The following MAP3K8 variants were observed in gnomAD, a reference collection of about 807,000 sequenced individuals.
MAP3K8 encodes the protein Ewing sarcoma transformant.
MAP3K8 carries 22 observed loss-of-function variants against 45.8 expected under a neutral mutation model. That is an observed-to-expected ratio of 0.48 (90% CI 0.34 to 0.69). The LOEUF (loss-of-function observed/expected upper bound fraction) is 0.69, where lower values mean the gene tolerates loss of function less well. Among genes scored for constraint, MAP3K8 ranks in the 30% least tolerant of loss-of-function variants. MAP3K8 has a pLI of 0.01. For missense variants in MAP3K8, 419 were observed against 585.0 expected (o/e 0.72, Z 2.93); for synonymous variants, 223 against 214.3 (o/e 1.04, Z -0.36).
intron 3 of MAP3K8, 26 bp from the exon 4 acceptor site, chr10:30,447,756 C>T (rs374435272): frequency 1.6e-5 from 25 of 1,603,136 alleles, no homozygotes; most frequent in African/African-American, 1.1e-4. Flanking sequence ...AAGTTCTCAC[C>T]GTCTCACATT....
At chr10:30,445,623 A>C (rs1836296668) in intron 3 of MAP3K8, among the ~76,000 whole-genome samples, 1 of 152,090 alleles carries the variant, frequency 6.6e-6, no homozygotes, top group South Asian at 2.1e-4. Context: ...AAAGGGACTA[A>C]ATCTATCATG....
At chr10:30,459,897 C>T (rs1185149725) in intron 8 of MAP3K8, among the ~76,000 whole-genome samples, 1 of 151,774 alleles carries the variant, frequency 6.6e-6, no homozygotes, top group Non-Finnish European at 1.5e-5. Context: ...GGCTGGAGTG[C>T]AGTGGCATGA....
At chr10:30,438,290 C>T (rs1455865142) in intron 2 of MAP3K8, among the ~76,000 whole-genome samples, 1 of 152,204 alleles carries the variant, frequency 6.6e-6, no homozygotes. Context: ...AACAAGGTTT[C>T]CTGTCATCCT....
chr10:30,448,666 C>T (rs1836429466), intron 4 of MAP3K8, among the ~76,000 whole-genome samples: 1 of 152,056 alleles, frequency 6.6e-6, no homozygotes, highest in Non-Finnish European at 1.5e-5. Flanking sequence ...CTCCTGACTA[C>T]AAGTGATCCA....
intron 6 of MAP3K8, among the ~76,000 whole-genome samples, chr10:30,455,018 G>A (rs1482124561): frequency 6.6e-6 from 1 of 152,122 alleles, no homozygotes; most frequent in Non-Finnish European, 1.5e-5. Flanking sequence ...TGCAACATTG[G>A]AGAAAGAAGT....
At chr10:30,450,004 C>T (rs1836481009) in intron 4 of MAP3K8, among the ~76,000 whole-genome samples, 1 of 152,122 alleles carries the variant, frequency 6.6e-6, no homozygotes, top group Non-Finnish European at 1.5e-5. Flanking sequence ...AGATTTCTGA[C>T]TTCTAAATGA....
intron 8 of MAP3K8, among the ~76,000 whole-genome samples, chr10:30,459,822 G>A (rs1024909820): frequency 1.3e-5 from 2 of 152,020 alleles, no homozygotes; most frequent in African/African-American, 4.8e-5. Flanking sequence ...CAGCTTTGCA[G>A]TTGGTTCTTC....
chr10:30,451,498 G>T, intron 5 of MAP3K8, 140 bp from the exon 6 acceptor site: 2 of 477,540 alleles, frequency 4.2e-6, no homozygotes, highest in Admixed American at 3.6e-5. Flanking sequence ...CTCCTCTTTT[G>T]AATATAATAC....
rs142989322 is a variant in MAP3K8 at position 30,437,290 on chromosome 10, T to C, written c.-140T>C. ...AGCCAGGAGTCTGACTCAGTACTTTTCTCACTCATGCATACAAAGCAGCTA... is the reference window on the plus strand; with the variant it reads ...AGCCAGGAGTCTGACTCAGTACTTTCCTCACTCATGCATACAAAGCAGCTA... On this transcript the variant is annotated 5_prime_UTR_variant, in exon 2 of 9. Coordinates refer to ENST00000263056, the MANE Select transcript of MAP3K8 (RefSeq NM_005204.4). The C allele has an allele frequency of 1.0e-6, 1 of 985,400 alleles. No individual in the cohort carries two copies. Among genetic ancestry groups the C allele is most frequent in the African/African-American group, 1.7e-5 (1 of 57,338 alleles). The allele number at this position is 985,400 out of a possible 1,614,324, so 61.0% of individuals were successfully genotyped here. A position where few individuals can be genotyped will look rare whatever the true frequency, so the allele number is the denominator to read the frequency against.
intron 3 of MAP3K8, among the ~76,000 whole-genome samples, chr10:30,441,160 CTT>C (rs11331000): frequency 1.7e-4 from 24 of 144,288 alleles, no homozygotes; most frequent in Admixed American, 2.1e-4. Context: ...AAGGAGAATT[CTT>C]TTTTTTTTTT....
chr10:30,460,714 T>A lies in MAP3K8; in HGVS notation c.1282T>A (p.Cys428Ser). 3 of 1,606,456 alleles carry A rather than the reference T, an allele frequency of 1.9e-6. No homozygotes were observed. Residue 428 changes from cysteine (C) to serine (S), a missense_variant, in exon 9 of 9, where the codon TGC becomes AGC. By Grantham distance (112) the Cys-to-Ser change is moderately radical. Around this residue, in one of 3 missense-constraint regions of MAP3K8, gnomAD observed 108 missense variants for 124.2 expected, o/e 0.87. Coordinates refer to ENST00000263056, the MANE Select transcript of MAP3K8 (RefSeq NM_005204.4). Reference protein sequence around the residue: ...ELPENIADSSCTGSTEESEML... With the variant: ...ELPENIADSSSTGSTEESEML... ...AATGTTTTCCTTTTCAGATTCTTCGTGCACAGGAAGCACCGAGGAATCTGA... is the reference window on the plus strand; with the variant it reads ...AATGTTTTCCTTTTCAGATTCTTCGAGCACAGGAAGCACCGAGGAATCTGA...
At chr10:30,446,534 CA>C (rs5784199) in intron 3 of MAP3K8, among the ~76,000 whole-genome samples, 5,436 of 89,160 alleles carry the variant, frequency 0.061, 106 homozygotes, top group Middle Eastern at 0.22. Context: ...GACTCCATCT[CA>C]AAAAAAAAAA....
intron 6 of MAP3K8, among the ~76,000 whole-genome samples, chr10:30,455,770 T>G (rs1285065088): frequency 6.6e-6 from 1 of 152,218 alleles, no homozygotes; most frequent in Admixed American, 6.5e-5. Context: ...TTTCTCTTGC[T>G]CCAGTGCCCT....
chr10:30,454,714 T>C (rs1836679051), intron 6 of MAP3K8, among the ~76,000 whole-genome samples: 1 of 152,102 alleles, frequency 6.6e-6, no homozygotes, highest in Non-Finnish European at 1.5e-5. Flanking sequence ...TTGACGGTTG[T>C]CTTTGAGCAG....
chr10:30,449,917 G>A (rs1455883372), intron 4 of MAP3K8, among the ~76,000 whole-genome samples: 1 of 152,006 alleles, frequency 6.6e-6, no homozygotes, highest in African/African-American at 2.4e-5. Flanking sequence ...CTAAACTCAA[G>A]GTACCATAGA....
chr10:30,434,827 C>G (rs1835861948), intron 1 of MAP3K8: 1 of 964,696 alleles, frequency 1.0e-6, no homozygotes, highest in African/African-American at 1.8e-5. Flanking sequence ...CTTTTAGGCT[C>G]CCTTGACTTA....
rs985154290 is a variant in MAP3K8, at chr10:30,447,211, T to C, written c.337-571T>C. Among the ~76,000 whole-genome samples the C allele has an allele frequency of 2.6e-5, 4 of 152,202 alleles. No homozygotes were observed. In the East Asian group the frequency reaches 7.7e-4, roughly 29 times the overall value. ...CTATTTTGCAAGCAATAGATAACAA[T>C]GCATGCGATAGATATTAAGTGAGCA... On this transcript the variant is annotated intron_variant, in intron 3 of 8. Transcript: ENST00000263056.
chr10:30,455,871 A>G (rs1030381635), intron 6 of MAP3K8, among the ~76,000 whole-genome samples: 2 of 152,162 alleles, frequency 1.3e-5, no homozygotes, highest in Non-Finnish European at 2.9e-5. Flanking sequence ...CTCGAACATT[A>G]TGCCCTGCTG....
intron 3 of MAP3K8, among the ~76,000 whole-genome samples, chr10:30,441,386 A>G (rs1468392755): frequency 6.6e-6 from 1 of 152,136 alleles, no homozygotes; most frequent in Non-Finnish European, 1.5e-5. Context: ...CGAACTCCTG[A>G]CCTCAGGTGA....
Sources: allele counts gnomAD v4.1 joint callset (sites outside exome capture counted in the v4.1 genomes callset), GRCh38; gene constraint gnomAD v4.1.1; regional missense constraint gnomAD v4.1.1; transcripts MANE v1.5; gene names NCBI Gene and HGNC (gene_info 2026-07-23, HGNC 2026-07-21).